The following IQCH variants were observed in gnomAD, a reference collection of about 807,000 sequenced individuals.
IQCH encodes the protein IQ domain-containing protein H.
In IQCH, 98 loss-of-function variants were observed where a neutral mutation model predicts 117.0. The observed-to-expected ratio is 0.84, with a 90% CI of 0.71 to 0.99. IQCH has a LOEUF of 0.99. IQCH is among the 50% of genes least tolerant of loss of function. The pLI is 0.00. For missense variants in IQCH, 1,102 were observed against 1,243.8 expected (o/e 0.89, Z 1.72); for synonymous variants, 412 against 448.2 (o/e 0.92, Z 1.02).
intron 8 of IQCH, among the ~76,000 whole-genome samples, chr15:67,360,275 G>A (rs1970079380): frequency 6.6e-6 from 1 of 152,120 alleles, no homozygotes; most frequent in Non-Finnish European, 1.5e-5. Context: ...TTATATGTGT[G>A]CATGCATATA....
intron 1 of IQCH, among the ~76,000 whole-genome samples, chr15:67,257,581 G>A (rs1469757931): frequency 3.3e-5 from 5 of 152,164 alleles, no homozygotes; most frequent in African/African-American, 9.7e-5. Flanking sequence ...AATAGGCTAT[G>A]GCATGTTCAT....
chr15:67,488,110 C>T (rs1264683750), intron 18 of IQCH, among the ~76,000 whole-genome samples: 2 of 152,100 alleles, frequency 1.3e-5, no homozygotes, highest in South Asian at 2.1e-4. Flanking sequence ...CCCAGCAGTT[C>T]GAGACCAGCC....
rs1466915747 is a variant in IQCH, at chr15:67,413,930, G to A, written c.2098-3001G>A. On this transcript the variant is annotated intron_variant, in intron 14 of 20. Transcript: ENST00000335894. This position sits in a 1 kb window ranked among gnomAD's most constrained non-coding sequence, Gnocchi z 5.0. Reference sequence around the variant, plus strand: ...AATGGCTGGCTTTGTGATCAGAGGCGGTGGCAGAAGCCTGGCACAGTGTCC... The same window carrying A: ...AATGGCTGGCTTTGTGATCAGAGGCAGTGGCAGAAGCCTGGCACAGTGTCC... Among the ~76,000 whole-genome samples the A allele has an allele frequency of 3.9e-5, 6 of 152,302 alleles. No individual in the cohort carries two copies. Among genetic ancestry groups the A allele is most frequent in the Admixed American group, 6.5e-5 (1 of 15,304 alleles).
chr15:67,266,684 A>G (rs934788447), intron 3 of IQCH, among the ~76,000 whole-genome samples: 8 of 152,138 alleles, frequency 5.3e-5, no homozygotes, highest in African/African-American at 1.9e-4. Flanking sequence ...AAAAGACATC[A>G]TACTCTATAC....
chr15:67,285,727 T>C (rs1289136759), intron 4 of IQCH, among the ~76,000 whole-genome samples: 1 of 152,110 alleles, frequency 6.6e-6, no homozygotes, highest in Non-Finnish European at 1.5e-5. Context: ...CCTGTTGCCT[T>C]TTTTTGTCAG....
Position 67,493,454 on chromosome 15 carries a change from C to T in IQCH, c.2862-804C>T, listed in dbSNP as rs186701814. ...AAGTGGATGTTCAGGTTTATAAAGACGGCTGTTCATGAACAGGGCACATTC... is the reference window on the plus strand; with the variant it reads ...AAGTGGATGTTCAGGTTTATAAAGATGGCTGTTCATGAACAGGGCACATTC... On this transcript the variant is annotated intron_variant, in intron 19 of 20. Coordinates refer to ENST00000335894, the MANE Select transcript of IQCH (RefSeq NM_001031715.3). This position sits in a 1 kb window ranked among gnomAD's most constrained non-coding sequence, Gnocchi z 5.1. Among the ~76,000 whole-genome samples the T allele has an allele frequency of 5.1e-4, 77 of 152,276 alleles. 1 individual carries two copies. The highest frequency in any genetic ancestry group is 4.0e-3 in the Admixed American group (61 of 15,292).
At chr15:67,421,049 A>C (rs1185763219) in intron 15 of IQCH, among the ~76,000 whole-genome samples, 1 of 152,262 alleles carries the variant, frequency 6.6e-6, no homozygotes. Context: ...ATTACCATTC[A>C]TTGAGCCCTA....
At chr15:67,305,588 G>C (rs1334500029) in intron 4 of IQCH, among the ~76,000 whole-genome samples, 2 of 152,068 alleles carry the variant, frequency 1.3e-5, no homozygotes, top group Non-Finnish European at 2.9e-5. Flanking sequence ...TGGCAACACA[G>C]ACAGAAGCAG....
At position 67,459,796 on chromosome 15, in the gene IQCH, C is replaced by G. The variant is rs920683630; in HGVS notation, c.2506-5331C>G. 6.6e-6 allele frequency: 1 copy of G among 152,300 alleles called. No individual in the cohort carries two copies. Among genetic ancestry groups the G allele is most frequent in the Non-Finnish European group, 1.5e-5 (1 of 68,132 alleles). 9.4% of individuals were successfully genotyped at this position (152,300 alleles called of 1,614,324 possible). On this transcript the variant is annotated intron_variant, in intron 16 of 20. Transcript: ENST00000335894. This position sits in a 1 kb window ranked among gnomAD's most constrained non-coding sequence, Gnocchi z 4.2. ...CTCTGTAGCACTTCTGCCCTCTCCACCCCACTGGCCCTGCTCCTTTGCAGG... is the reference window on the plus strand; with the variant it reads ...CTCTGTAGCACTTCTGCCCTCTCCAGCCCACTGGCCCTGCTCCTTTGCAGG...
At chr15:67,263,528 A>G (rs181781035) in intron 3 of IQCH, among the ~76,000 whole-genome samples, 181 of 152,340 alleles carry the variant, frequency 1.2e-3, no homozygotes, top group African/African-American at 3.8e-3. Flanking sequence ...TTGGACTTCA[A>G]TGAAGTGATT....
intron 16 of IQCH, among the ~76,000 whole-genome samples, chr15:67,444,861 T>G (rs751192884): frequency 6.6e-6 from 1 of 152,202 alleles, no homozygotes; most frequent in Non-Finnish European, 1.5e-5. Flanking sequence ...GCTTTTTAAC[T>G]TAATTAAATA....
intron 3 of IQCH, among the ~76,000 whole-genome samples, chr15:67,266,424 A>G (rs982933327): frequency 1.3e-5 from 2 of 152,094 alleles, no homozygotes; most frequent in Non-Finnish European, 2.9e-5. Flanking sequence ...TGGGAGGCCA[A>G]GGCGGGCGGA....
chr15:67,329,298 C>CAA (rs112654218), intron 4 of IQCH, among the ~76,000 whole-genome samples: 1,510 of 142,868 alleles, frequency 0.011, 25 homozygotes, highest in African/African-American at 0.036. Flanking sequence ...GACCTTGTCT[C>CAA]AAAAAAAAAA....
intron 19 of IQCH, among the ~76,000 whole-genome samples, chr15:67,492,527 C>G (rs913128347): frequency 1.3e-5 from 2 of 152,164 alleles, no homozygotes; most frequent in Non-Finnish European, 2.9e-5. Context: ...GGAAAAGTTC[C>G]AACCGCAAAG....
rs890571671 is a variant in IQCH, at chr15:67,357,246, C to A, written c.638-99C>A. 4 of 784,704 alleles carry A rather than the reference C, an allele frequency of 5.1e-6. No individual in the cohort carries two copies. The African/African-American group carries it at 6.8e-5, about 13-fold the overall frequency. 48.6% of individuals were successfully genotyped at this position (784,704 alleles called of 1,614,324 possible). ...AAGGTAGTGAGCGCACAGTGGGTGA[C>A]AGAGCCATTTGACTTTCAAGGTGCA... On this transcript the variant is annotated intron_variant, in intron 6 of 20. Coordinates refer to ENST00000335894, the MANE Select transcript of IQCH (RefSeq NM_001031715.3).
Position 67,500,831 on chromosome 15 carries a change from G to A in IQCH, c.*85G>A. 1.5e-6 allele frequency: 1 copy of A among 648,724 alleles called. No homozygotes were observed. Among genetic ancestry groups the A allele is most frequent in the African/African-American group, 1.8e-5 (1 of 54,236 alleles). The allele number at this position is 648,724 out of a possible 1,614,324, so 40.2% of individuals were successfully genotyped here. Reference sequence around the variant, plus strand: ...TTTTCTGTTAGAAATAAAAGCCAGGGGAAATTGGTTTGCTTTGTGTGCTAG... The same window carrying A: ...TTTTCTGTTAGAAATAAAAGCCAGGAGAAATTGGTTTGCTTTGTGTGCTAG... On this transcript the variant is annotated 3_prime_UTR_variant, in exon 21 of 21. Coordinates refer to ENST00000335894, the MANE Select transcript of IQCH (RefSeq NM_001031715.3). This position sits in a 1 kb window ranked among gnomAD's most constrained non-coding sequence, Gnocchi z 4.4.
chr15:67,299,027 A>G (rs946452623), intron 4 of IQCH, among the ~76,000 whole-genome samples: 6 of 151,992 alleles, frequency 3.9e-5, no homozygotes, highest in Admixed American at 2.0e-4. Context: ...GTGTCCATCA[A>G]CAGATGAATA....
chr15:67,349,219 C>T (rs1969541091), intron 6 of IQCH, among the ~76,000 whole-genome samples: 1 of 152,170 alleles, frequency 6.6e-6, no homozygotes, highest in South Asian at 2.1e-4. Flanking sequence ...TTCTTACGTA[C>T]CACACCAAAG....
chr15:67,268,308 G>A (rs367723537), intron 3 of IQCH, among the ~76,000 whole-genome samples: 20 of 152,318 alleles, frequency 1.3e-4, no homozygotes, highest in African/African-American at 4.6e-4. Context: ...CGATAAGGAC[G>A]TTGTCAAAAG....
Sources: gnomAD v4.1 joint callset for allele counts (sites outside exome capture counted in the v4.1 genomes callset) on GRCh38, gnomAD v4.1.1 for gene constraint, Gnocchi (gnomAD v3.1) non-coding constraint, MANE v1.5 for transcripts, NCBI Gene and HGNC (gene_info 2026-07-23, HGNC 2026-07-21) for gene names.